The following PTPRJ variants were observed in gnomAD, a reference collection of about 807,000 sequenced individuals.
PTPRJ encodes protein tyrosine phosphatase receptor type J.
PTPRJ carries 129 observed loss-of-function variants against 141.3 expected under a neutral mutation model. The observed-to-expected ratio is 0.91, with a 90% CI of 0.79 to 1.06. The LOEUF (loss-of-function observed/expected upper bound fraction) is 1.06, where lower values mean the gene tolerates loss of function less well. PTPRJ is among the 50% of genes least tolerant of loss of function. The probability of loss-of-function intolerance (pLI) is 0.00; values close to 1 mark genes in which losing one functional copy is unlikely to be tolerated. For missense variants in PTPRJ, 1,601 were observed against 1,679.7 expected (o/e 0.95, Z 0.82); for synonymous variants, 610 against 640.5 (o/e 0.95, Z 0.72).
At chr11:48,099,008 C>T (rs1389386538) in intron 1 of PTPRJ, among the ~76,000 whole-genome samples, 1 of 152,192 alleles carries the variant, frequency 6.6e-6, no homozygotes. Flanking sequence ...GATGTTATTT[C>T]GCTTAATTCT....
intron 1 of PTPRJ, among the ~76,000 whole-genome samples, chr11:48,039,485 GT>G (rs1399056735): frequency 1.3e-5 from 2 of 151,992 alleles, no homozygotes; most frequent in Admixed American, 6.6e-5. Flanking sequence ...GTGTGTGTGT[GT>G]GTGTGTGTGT....
At chr11:48,009,192 C>T (rs1854707598) in intron 1 of PTPRJ, among the ~76,000 whole-genome samples, 1 of 152,184 alleles carries the variant, frequency 6.6e-6, no homozygotes, top group Non-Finnish European at 1.5e-5. Context: ...AAATTGTGGA[C>T]TACTATGCAG....
At chr11:48,119,082 G>A (rs1040147208) in intron 3 of PTPRJ, among the ~76,000 whole-genome samples, 2 of 151,778 alleles carry the variant, frequency 1.3e-5, no homozygotes, top group Non-Finnish European at 2.9e-5. Flanking sequence ...TTGTTGTGAG[G>A]CATAAATGAG....
chr11:47,985,374 G>T (rs1854023256), intron 1 of PTPRJ, among the ~76,000 whole-genome samples: 1 of 150,352 alleles, frequency 6.7e-6, no homozygotes, highest in African/African-American at 2.5e-5. Flanking sequence ...TTGAACCTCT[G>T]GGCTCAAGTG....
chr11:48,110,809 A>G (rs946190714), intron 2 of PTPRJ, among the ~76,000 whole-genome samples: 2 of 152,188 alleles, frequency 1.3e-5, no homozygotes, highest in African/African-American at 2.4e-5. Context: ...TTTTGCTTTC[A>G]TGCACAGGGC....
intron 1 of PTPRJ, among the ~76,000 whole-genome samples, chr11:48,100,860 C>T (rs1272061979): frequency 1.5e-5 from 2 of 134,980 alleles, no homozygotes; most frequent in Non-Finnish European, 3.1e-5. Flanking sequence ...ACAGCCTAGG[C>T]AACAAGAGCA....
intron 5 of PTPRJ, 39 bp from the exon 6 acceptor site, chr11:48,124,929 T>C (rs1325049297): frequency 1.3e-6 from 2 of 1,599,616 alleles, no homozygotes; most frequent in East Asian, 2.2e-5. Flanking sequence ...TGTGTCCCTC[T>C]TGTGGTTGAT....
chr11:48,058,894 C>T (rs1210499792), intron 1 of PTPRJ, among the ~76,000 whole-genome samples: 1 of 152,154 alleles, frequency 6.6e-6, no homozygotes, highest in African/African-American at 2.4e-5. Flanking sequence ...TCATTTTGTG[C>T]CTCCTCTGCC....
chr11:48,131,644 G>C, intron 8 of PTPRJ: 1 of 689,452 alleles, frequency 1.5e-6, no homozygotes, highest in South Asian at 1.6e-5. Flanking sequence ...ATGTTCATTT[G>C]CTTATGTACT....
At chr11:48,035,478 C>G (rs1390161519) in intron 1 of PTPRJ, among the ~76,000 whole-genome samples, 1 of 151,286 alleles carries the variant, frequency 6.6e-6, no homozygotes, top group African/African-American at 2.4e-5. Flanking sequence ...GGGTGGGGAC[C>G]ATCTGTGCTC....
chr11:48,125,604 G>A (rs1856813104), intron 6 of PTPRJ, among the ~76,000 whole-genome samples: 1 of 152,190 alleles, frequency 6.6e-6, no homozygotes, highest in South Asian at 2.1e-4. Context: ...CGATCTTTCT[G>A]TTGAAATGCT....
Position 48,125,059 on chromosome 11 carries a change from C to T in PTPRJ, c.966C>T (p.Gly322=). 1 of 1,614,106 alleles carries T rather than the reference C, an allele frequency of 6.2e-7. No homozygotes were observed. Among genetic ancestry groups the T allele is most frequent in the Non-Finnish European group, 8.5e-7 (1 of 1,180,024 alleles). The part of the protein sequence containing the change: ...SLVGPVDPSS[G]QQSRDTEVLL... ...TGGGACCTGTGGACCCATCCTCCGGCCAGCAGTCCCGAGACACGGAAGTCC... is the reference window on the plus strand; with the variant it reads ...TGGGACCTGTGGACCCATCCTCCGGTCAGCAGTCCCGAGACACGGAAGTCC... The change falls in exon 6 of 25, where the codon GGC becomes GGT. Residue 322 remains glycine (G), a synonymous_variant. Coordinates refer to ENST00000418331, the MANE Select transcript of PTPRJ (RefSeq NM_002843.4).
At position 48,079,412 on chromosome 11, in the gene PTPRJ, G is replaced by T. The variant is rs1032686277; in HGVS notation, c.97-30646G>T. Among the ~76,000 whole-genome samples the T allele has an allele frequency of 2.6e-5, 4 of 151,980 alleles. No individual in the cohort carries two copies. In the South Asian group the frequency reaches 6.2e-4, roughly 24 times the overall value. ...GGTGAAAGGGTTGTGCCTTCATGAC[G>T]CTCGTGTGTGTGTGTGTGTTTGTGT... On this transcript the variant is annotated intron_variant, in intron 1 of 24. Coordinates refer to ENST00000418331, the MANE Select transcript of PTPRJ (RefSeq NM_002843.4).
intron 1 of PTPRJ, among the ~76,000 whole-genome samples, chr11:48,085,128 G>A (rs190361059): frequency 6.6e-6 from 1 of 152,278 alleles, no homozygotes; most frequent in East Asian, 1.9e-4. Context: ...GCATGTTTTT[G>A]TGTGAGTCCA....
chr11:48,095,579 CTTT>C (rs11378534), intron 1 of PTPRJ, among the ~76,000 whole-genome samples: 12 of 137,004 alleles, frequency 8.8e-5, no homozygotes, highest in African/African-American at 1.6e-4. Flanking sequence ...CAAACATATA[CTTT>C]TTTTTTTTTT....
In PTPRJ at chr11:48,112,608, A is replaced by G. The variant is rs985175681; in HGVS notation, c.116-139A>G. 4 of 679,356 alleles carry G rather than the reference A, an allele frequency of 5.9e-6. No homozygotes were observed. The Admixed American group carries it at 7.9e-5, about 13-fold the overall frequency. 42.1% of individuals were successfully genotyped at this position (679,356 alleles called of 1,614,324 possible). On this transcript the variant is annotated intron_variant, in intron 2 of 24. Coordinates refer to ENST00000418331, the MANE Select transcript of PTPRJ (RefSeq NM_002843.4). Reference sequence around the variant, plus strand: ...TTCTGAGGGGCTCATGTTGTAGGTGATGATACAAAGAAGAGAAAGAGAGGG... The same window carrying G: ...TTCTGAGGGGCTCATGTTGTAGGTGGTGATACAAAGAAGAGAAAGAGAGGG...
chr11:48,059,465 T>C (rs971924139), intron 1 of PTPRJ, among the ~76,000 whole-genome samples: 1 of 152,170 alleles, frequency 6.6e-6, no homozygotes, highest in African/African-American at 2.4e-5. Context: ...TATATGACAC[T>C]GCCCCTCCCT....
rs748506780 is a variant in PTPRJ, at chr11:48,139,492, C to T, written c.2159C>T (p.Ala720Val). The T allele has an allele frequency of 1.6e-5, 26 of 1,613,176 alleles. No homozygotes were observed. The highest frequency in any genetic ancestry group is 6.7e-5 in the African/African-American group (5 of 74,932). The change falls in exon 11 of 25, where the codon GCG (alanine) becomes GTG (valine). Residue 720 changes from alanine to valine, a missense_variant. Transcript: ENST00000418331. ...PGRKSFCTDP[A>V]SMASFDCEVV... ...TGCTGTACTTGCTTTGCAGATCCTG[C>T]GTCCATGGCCTCCTTCGACTGCGAA...
chr11:48,147,090 G>T, intron 15 of PTPRJ, 127 bp downstream of exon 15: 1 of 836,802 alleles, frequency 1.2e-6, no homozygotes, highest in Non-Finnish European at 2.0e-6. Flanking sequence ...CACCCATAGT[G>T]TTCTGCATTT....
Sources: allele counts gnomAD v4.1 joint callset (sites outside exome capture counted in the v4.1 genomes callset), GRCh38; gene constraint gnomAD v4.1.1; transcripts MANE v1.5; gene names NCBI Gene and HGNC (gene_info 2026-07-23, HGNC 2026-07-21).